The following LMAN2 variants were observed in gnomAD, a reference collection of about 807,000 sequenced individuals.
LMAN2 encodes the protein lectin, mannose binding 2.
Under a neutral mutation model 39.3 loss-of-function variants are expected in LMAN2, and 22 were observed. That is an observed-to-expected ratio of 0.56 (90% CI 0.40 to 0.80). The LOEUF is 0.80. Ranked by LOEUF, LMAN2 falls within the 30% of genes least tolerant of loss-of-function variation. The pLI is 0.00. For synonymous variants in LMAN2, 207 were observed against 207.8 expected, an observed-to-expected ratio of 1.00 and a Z score of 0.03; for missense variants, 494 against 505.4, an observed-to-expected ratio of 0.98 and a Z score of 0.22.
chr5:177,338,370 A>T, intron 3 of LMAN2, 118 bp downstream of exon 3: 1 of 761,388 alleles, frequency 1.3e-6, no homozygotes, highest in African/African-American at 1.7e-5. Context: ...CTTTCCTAAC[A>T]GGAGAGGAGA....
At chr5:177,343,400 G>C (rs1761585746) in intron 2 of LMAN2, among the ~76,000 whole-genome samples, 1 of 152,178 alleles carries the variant, frequency 6.6e-6, no homozygotes, top group South Asian at 2.1e-4. Context: ...ATGACCGTAT[G>C]ATCCAGAGAT....
In LMAN2 at chr5:177,332,169, C is replaced by G. The variant is rs150674852; in HGVS notation, c.988G>C (p.Ala330Pro). ...GWRVFLLLLC[A>P]LLGIVVCAVV... ...GCGCAGACAACGATGCCCAGGAGAG[C>G]GCACAGCAGCAGCAGGAACACCCGC... The change falls in exon 8 of 8, where the codon GCT (alanine) becomes CCT (proline). Residue 330 changes from alanine (A) to proline (P), a missense_variant. By Grantham distance (27) the Ala-to-Pro change is conservative. Coordinates refer to ENST00000303127, the MANE Select transcript of LMAN2 (RefSeq NM_006816.3). The surrounding 1 kb of genome is among the most constrained non-coding windows in gnomAD (Gnocchi z 6.3). The G allele has an allele frequency of 1.1e-5, 18 of 1,613,640 alleles. No homozygotes were observed. In the South Asian group the frequency reaches 1.8e-4, roughly 16 times the overall value.
In LMAN2 at chr5:177,337,411, G is replaced by T; in HGVS notation, c.627C>A (p.Arg209=). The part of the protein sequence containing the change: ...LAGCTADFRN[R]DHDTFLAVRY... ...GCACAGCCAGGAAGGTGTCGTGATCGCGGTTGCGGAAGTCAGCCGTGCAGC... is the reference window on the plus strand; with the variant it reads ...GCACAGCCAGGAAGGTGTCGTGATCTCGGTTGCGGAAGTCAGCCGTGCAGC... Residue 209 remains arginine, a synonymous_variant, in exon 5 of 8, where the codon CGC becomes CGA. Transcript: ENST00000303127. The surrounding 1 kb of genome is among the most constrained non-coding windows in gnomAD (Gnocchi z 8.2). 1 of 1,613,180 alleles carries T rather than the reference G, an allele frequency of 6.2e-7. No homozygotes were observed.
intron 6 of LMAN2, among the ~76,000 whole-genome samples, chr5:177,336,298 AG>A (rs1021913694): frequency 3.3e-5 from 5 of 152,126 alleles, no homozygotes; most frequent in African/African-American, 4.8e-5. Context: ...CACAGTAGGC[AG>A]GGGGAGCAGT....
At position 177,351,533 on chromosome 5, in the gene LMAN2, A is replaced by T; in HGVS notation, c.115T>A (p.Leu39Met). 6.2e-7 allele frequency: 1 copy of T among 1,614,268 alleles called. No homozygotes were observed. The highest frequency in any genetic ancestry group is 8.5e-7 in the Non-Finnish European group (1 of 1,180,056). ...GTTATATCCGCAGTCACAGACCCCA[A>T]CAACAAAAGAAGAAAGAGAGGTGTA... ...PTTPLFLLLL[L>M]GSVTADITDG... The change falls in exon 1 of 8, where the codon TTG (leucine) becomes ATG (methionine). Residue 39 changes from leucine to methionine, a missense_variant. Leu to Met is a conservative substitution (Grantham distance 15, BLOSUM62 2). Transcript: ENST00000303127.
Position 177,337,121 on chromosome 5 carries a change from G to A in LMAN2, c.790+15C>T. 2 of 1,595,592 alleles carry A rather than the reference G, an allele frequency of 1.3e-6. No individual in the cohort carries two copies. Among genetic ancestry groups the A allele is most frequent in the Non-Finnish European group, 8.6e-7 (1 of 1,165,870 alleles). On this transcript the variant is annotated intron_variant, in intron 6 of 7. Coordinates refer to ENST00000303127, the MANE Select transcript of LMAN2 (RefSeq NM_006816.3). The surrounding 1 kb of genome is among the most constrained non-coding windows in gnomAD (Gnocchi z 8.2). Reference sequence around the variant, plus strand: ...GAGCTGGGCTGGGAACCAACGCCTGGCCCGGCCCACTCACCAGACAGGTCG... The same window carrying A: ...GAGCTGGGCTGGGAACCAACGCCTGACCCGGCCCACTCACCAGACAGGTCG...
intron 2 of LMAN2, among the ~76,000 whole-genome samples, chr5:177,344,613 T>C (rs941983183): frequency 2.6e-5 from 4 of 151,418 alleles, no homozygotes; most frequent in East Asian, 2.0e-4. Context: ...ATAGAAATAT[T>C]TGAGAAATTT....
chr5:177,350,928 A>G (rs1317503916), intron 2 of LMAN2, among the ~76,000 whole-genome samples: 1 of 152,160 alleles, frequency 6.6e-6, no homozygotes, highest in Non-Finnish European at 1.5e-5. Context: ...GGTAAAATGG[A>G]GATAACATTA....
In LMAN2 at chr5:177,332,038, T is replaced by C. The variant is rs1285549059; in HGVS notation, c.*48A>G. ...TTTATAATCCCGGTAAAAAAAAAAG[T>C]TCACATTGGCTCCTGGGCCCAGGGA... On this transcript the variant is annotated 3_prime_UTR_variant, in exon 8 of 8. Transcript: ENST00000303127. This position sits in a 1 kb window ranked among gnomAD's most constrained non-coding sequence, Gnocchi z 6.3. The C allele has an allele frequency of 3.9e-6, 6 of 1,525,430 alleles. No individual in the cohort carries two copies. The highest frequency in any genetic ancestry group is 4.4e-6 in the Non-Finnish European group (5 of 1,133,524). The allele number at this position is 1,525,430 out of a possible 1,614,324, so 94.5% of individuals were successfully genotyped here.
chr5:177,343,396 G>A (rs1033469375), intron 2 of LMAN2, among the ~76,000 whole-genome samples: 1 of 152,144 alleles, frequency 6.6e-6, no homozygotes, highest in Non-Finnish European at 1.5e-5. Flanking sequence ...TAGAATGACC[G>A]TATGATCCAG....
chr5:177,338,472 G>T lies in LMAN2; in HGVS notation c.433+16C>A. 6.2e-7 allele frequency: 1 copy of T among 1,608,256 alleles called. No homozygotes were observed. Among genetic ancestry groups the T allele is most frequent in the Non-Finnish European group, 8.5e-7 (1 of 1,175,024 alleles). ...GCCCACCCCCACAGGGCCCAGCTGAGCGAACACCAGCCCACCTGGCACGAG... is the reference window on the plus strand; with the variant it reads ...GCCCACCCCCACAGGGCCCAGCTGATCGAACACCAGCCCACCTGGCACGAG... On this transcript the variant is annotated intron_variant, in intron 3 of 7. Transcript: ENST00000303127.
At chr5:177,342,209 T>C (rs1425584060) in intron 2 of LMAN2, among the ~76,000 whole-genome samples, 1 of 152,152 alleles carries the variant, frequency 6.6e-6, no homozygotes, top group Non-Finnish European at 1.5e-5. Context: ...AAAAGTTTAA[T>C]TTGAAAAGTA....
At position 177,332,807 on chromosome 5, in the gene LMAN2, C is replaced by T. The variant is rs932787739; in HGVS notation, c.911-561G>A. On this transcript the variant is annotated intron_variant, in intron 7 of 7. Coordinates refer to ENST00000303127, the MANE Select transcript of LMAN2 (RefSeq NM_006816.3). This position sits in a 1 kb window ranked among gnomAD's most constrained non-coding sequence, Gnocchi z 6.3. ...TGGGATGGGGCCCACTGGTACGCTCCCTTGTACAGGCGGAGAGAAGACACT... is the reference window on the plus strand; with the variant it reads ...TGGGATGGGGCCCACTGGTACGCTCTCTTGTACAGGCGGAGAGAAGACACT... 2.0e-5 allele frequency among the ~76,000 whole-genome samples: 3 copies of T among 152,174 alleles called. No homozygotes were observed. Among genetic ancestry groups the T allele is most frequent in the African/African-American group, 7.2e-5 (3 of 41,436 alleles).
At chr5:177,344,744 A>G (rs1265408563) in intron 2 of LMAN2, among the ~76,000 whole-genome samples, 1 of 151,446 alleles carries the variant, frequency 6.6e-6, no homozygotes, top group Non-Finnish European at 1.5e-5. Context: ...TCGTCCTACT[A>G]AAAATACAAA....
At chr5:177,340,900 G>A (rs775343278) in intron 2 of LMAN2, among the ~76,000 whole-genome samples, 48 of 148,426 alleles carry the variant, frequency 3.2e-4, no homozygotes, top group Non-Finnish European at 5.7e-4. Context: ...GACTACAGGC[G>A]CCCGCCACCA....
In LMAN2 at chr5:177,336,837, C is replaced by T. The variant is rs553983534; in HGVS notation, c.790+299G>A. ...GACCGTTCAAGGCCTGAGGCCCGGA[C>T]AGGCCATTTACAGAAGAAAGGAGGA... is the stretch of plus-strand genomic sequence containing the variant. On this transcript the variant is annotated intron_variant, in intron 6 of 7. Coordinates refer to ENST00000303127, the MANE Select transcript of LMAN2 (RefSeq NM_006816.3). The T allele has an allele frequency of 1.0e-5, 5 of 485,528 alleles. No individual in the cohort carries two copies. In the South Asian group the frequency reaches 1.1e-4, roughly 10 times the overall value. The allele number at this position is 485,528 out of a possible 1,614,324, so 30.1% of individuals were successfully genotyped here. A position where few individuals can be genotyped will look rare whatever the true frequency, so the allele number is the denominator to read the frequency against.
intron 2 of LMAN2, 95 bp from the exon 3 acceptor site, chr5:177,338,700 CTT>C: frequency 2.1e-6 from 2 of 956,768 alleles, no homozygotes; most frequent in Non-Finnish European, 3.4e-6. Flanking sequence ...ACAGACCTCT[CTT>C]CTCTCCCCAG....
At chr5:177,347,263 G>A (rs1212696811) in intron 2 of LMAN2, among the ~76,000 whole-genome samples, 1 of 152,020 alleles carries the variant, frequency 6.6e-6, no homozygotes, top group Non-Finnish European at 1.5e-5. Flanking sequence ...AGAGCAGAAG[G>A]GCAACTGAGT....
intron 1 of LMAN2, 71 bp from the exon 2 acceptor site, chr5:177,351,362 A>AT (rs1761721212): frequency 5.6e-6 from 9 of 1,607,398 alleles, no homozygotes; most frequent in Non-Finnish European, 7.7e-6. Flanking sequence ...ACCCACAGAG[A>AT]TGCTCTGCTC....
Sources: gnomAD v4.1 joint callset for allele counts (sites outside exome capture counted in the v4.1 genomes callset) on GRCh38, gnomAD v4.1.1 for gene constraint, Gnocchi (gnomAD v3.1) non-coding constraint, MANE v1.5 for transcripts, NCBI Gene and HGNC (gene_info 2026-07-23, HGNC 2026-07-21) for gene names.